The following UPRT variants were observed in gnomAD, a reference collection of about 807,000 sequenced individuals.
UPRT encodes the protein uracil phosphoribosyltransferase homolog, also known as RP11-311P8.3.
In UPRT, 5 loss-of-function variants were observed where a neutral mutation model predicts 22.6. The ratio of observed to expected loss-of-function variants is 0.22; its 90% CI spans 0.12 to 0.47. The LOEUF (loss-of-function observed/expected upper bound fraction) is 0.47. UPRT is among the 20% of genes least tolerant of loss of function. UPRT has a pLI of 0.99. For missense variants in UPRT, 181 were observed against 239.9 expected, an observed-to-expected ratio of 0.75 and a Z score of 1.62; for synonymous variants, 77 against 87.7, an observed-to-expected ratio of 0.88 and a Z score of 0.68.
At chrX:75,282,350 T>A (rs1390898652) in intron 1 of UPRT, among the ~76,000 whole-genome samples, 1 of 110,819 alleles carries the variant, frequency 9.0e-6, no homozygotes, top group East Asian at 2.8e-4. Context: ...AGGTGTGACC[T>A]TAGAATGTCA....
chrX:75,274,626 C>T lies in UPRT; in HGVS notation c.372C>T (p.Thr124=). ...PMNDQIRELQ[T]IIRDKTASRG... ...ATGATCAGATACGGGAGCTACAGAC[C>T]ATCATCCGTGACAAGTAAGCCAAGA... The change falls in exon 1 of 7, where the codon ACC becomes ACT. Residue 124 remains threonine, a synonymous_variant. Transcript: ENST00000373383. 2 of 1,196,290 alleles carry T rather than the reference C, an allele frequency of 1.7e-6. No individual in the cohort carries two copies. The highest frequency in any genetic ancestry group is 2.3e-6 in the Non-Finnish European group (2 of 886,567).
intron 4 of UPRT, among the ~76,000 whole-genome samples, chrX:75,175,420 G>A (rs2082243637): frequency 8.9e-6 from 1 of 112,257 alleles, no homozygotes; most frequent in Admixed American, 9.4e-5. Context: ...GGCTGTCCTA[G>A]GATTCCTCGG....
intron 4 of UPRT, among the ~76,000 whole-genome samples, chrX:75,189,004 A>T (rs907136875): frequency 4.5e-5 from 5 of 111,616 alleles, no homozygotes; most frequent in African/African-American, 1.6e-4. Flanking sequence ...GGAGCTGTAG[A>T]CCTGTGCTGT....
At chrX:75,209,468 G>A (rs2082374853) in intron 4 of UPRT, among the ~76,000 whole-genome samples, 1 of 111,863 alleles carries the variant, frequency 8.9e-6, no homozygotes, top group Non-Finnish European at 1.9e-5. Context: ...CTGCCTCCTG[G>A]GTTCAAGTGA....
At chrX:75,249,166 C>G (rs756048936) in intron 4 of UPRT, among the ~76,000 whole-genome samples, 1 of 111,425 alleles carries the variant, frequency 9.0e-6, no homozygotes, top group South Asian at 3.8e-4. Context: ...AGCAAAATAA[C>G]CAGCTAACAT....
intron 4 of UPRT, among the ~76,000 whole-genome samples, chrX:75,214,143 A>G (rs945096950): frequency 4.5e-5 from 5 of 112,319 alleles, no homozygotes; most frequent in Non-Finnish European, 9.4e-5. Flanking sequence ...TCAAACCACA[A>G]TGGAATTAAA....
chrX:75,219,947 C>G (rs753927104), intron 4 of UPRT, among the ~76,000 whole-genome samples: 17 of 111,558 alleles, frequency 1.5e-4, no homozygotes, highest in African/African-American at 5.5e-4. Context: ...TAGTGAATAT[C>G]AAGTCTGATA....
At chrX:75,232,460 C>G (rs1402073617) in intron 4 of UPRT, among the ~76,000 whole-genome samples, 1 of 112,807 alleles carries the variant, frequency 8.9e-6, no homozygotes, top group Non-Finnish European at 1.9e-5. Context: ...GGCCTCCCTG[C>G]CTCTGTAGGC....
At chrX:75,290,441 C>T (rs1243814033) in intron 1 of UPRT, among the ~76,000 whole-genome samples, 1 of 111,637 alleles carries the variant, frequency 9.0e-6, no homozygotes, top group Non-Finnish European at 1.9e-5. Flanking sequence ...AATCCCATTA[C>T]GGGGTATATA....
At chrX:75,293,420 A>G in intron 1 of UPRT, 52 bp from the exon 2 acceptor site, 1 of 1,116,896 alleles carries the variant, frequency 9.0e-7, no homozygotes, top group Non-Finnish European at 1.2e-6. Context: ...ATTAAATAAC[A>G]TTTTGCCTTA....
chrX:75,294,100 C>A (rs1017485369), intron 2 of UPRT, among the ~76,000 whole-genome samples: 16 of 110,352 alleles, frequency 1.4e-4, no homozygotes, highest in Non-Finnish European at 2.7e-4. Context: ...TCAGGGTAAG[C>A]ACTGTGTTTT....
At chrX:75,192,252 A>G (rs571162195) in intron 4 of UPRT, among the ~76,000 whole-genome samples, 11 of 110,937 alleles carry the variant, frequency 9.9e-5, no homozygotes, top group East Asian at 5.6e-4. Context: ...TTTAATTTCT[A>G]TGTAATTGTC....
intron 4 of UPRT, among the ~76,000 whole-genome samples, chrX:75,180,695 G>GTTTTTTTTT (rs61040746): frequency 5.8e-5 from 2 of 34,659 alleles, no homozygotes; most frequent in African/African-American, 2.6e-4. Flanking sequence ...TTTTTTTTTT[G>GTTTTTTTTT]TTTTTTTTTT....
intron 4 of UPRT, chrX:75,202,647 G>C (rs1395939792): frequency 2.7e-5 from 3 of 111,823 alleles, no homozygotes; most frequent in African/African-American, 9.7e-5. Context: ...GCAACAAATA[G>C]AAAACAGCAG....
intron 1 of UPRT, among the ~76,000 whole-genome samples, chrX:75,286,155 T>C (rs1313671540): frequency 1.8e-5 from 2 of 111,356 alleles, no homozygotes; most frequent in African/African-American, 6.6e-5. Context: ...TAGAGCTGAG[T>C]TTGAGTCCAT....
intron 2 of UPRT, among the ~76,000 whole-genome samples, chrX:75,162,656 A>C (rs1481434582): frequency 9.0e-6 from 1 of 111,658 alleles, no homozygotes; most frequent in Non-Finnish European, 1.9e-5. Flanking sequence ...ATGTAATATC[A>C]CTAAGATACC....
At chrX:75,257,923 G>T in intron 4 of UPRT, among the ~76,000 whole-genome samples, 1 of 111,329 alleles carries the variant, frequency 9.0e-6, no homozygotes, top group East Asian at 2.9e-4. Context: ...GACAGTGGGT[G>T]CAGCCCATGG....
chrX:75,182,531 A>G (rs2147611194), intron 4 of UPRT, among the ~76,000 whole-genome samples: 1 of 111,655 alleles, frequency 9.0e-6, no homozygotes, highest in Non-Finnish European at 1.9e-5. Context: ...ACTCAATATC[A>G]AGACTCATTA....
chrX:75,237,244 A>G (rs1241915456), intron 4 of UPRT, among the ~76,000 whole-genome samples: 25 of 112,061 alleles, frequency 2.2e-4, no homozygotes, highest in African/African-American at 6.8e-4. Context: ...CAAAACCACA[A>G]TGAGATACCA....
Sources: gnomAD v4.1 joint callset for allele counts (sites outside exome capture counted in the v4.1 genomes callset) on GRCh38, gnomAD v4.1.1 for gene constraint, MANE v1.5 for transcripts, NCBI Gene and HGNC (gene_info 2026-07-23, HGNC 2026-07-21) for gene names.